Variants in AFF2 observed in about 807,000 individuals in gnomAD.
AFF2 encodes AF4/FMR2 family member 2.
A neutral mutation model predicts 76.9 loss-of-function variants in AFF2; 14 were observed. The ratio of observed to expected loss-of-function variants is 0.18; its 90% CI spans 0.12 to 0.28. The LOEUF (loss-of-function observed/expected upper bound fraction) is 0.28. AFF2 is among the 10% of genes least tolerant of loss of function. The pLI is 1.00. For missense variants in AFF2, 868 were observed against 1,001.1 expected (o/e 0.87, Z 1.79); for synonymous variants, 398 against 366.7 (o/e 1.09, Z -0.98).
chrX:148,848,144 T>C (rs782304431), intron 7 of AFF2, among the ~76,000 whole-genome samples: 1 of 110,961 alleles, frequency 9.0e-6, no homozygotes, highest in African/African-American at 3.3e-5. Flanking sequence ...GTTTTCCTTT[T>C]GTACCTGGAC....
intron 3 of AFF2, among the ~76,000 whole-genome samples, chrX:148,764,512 G>A (rs1280206178): frequency 8.9e-6 from 1 of 112,389 alleles, no homozygotes; most frequent in East Asian, 2.8e-4. Flanking sequence ...AATAGTATCA[G>A]TGATATGAAT....
At chrX:148,714,158 T>C (rs781982067) in intron 3 of AFF2, among the ~76,000 whole-genome samples, 1 of 112,080 alleles carries the variant, frequency 8.9e-6, no homozygotes, top group East Asian at 2.8e-4. Flanking sequence ...TAATGAAACC[T>C]TCTGCAAGAG....
rs917919273 is a variant in AFF2 at position 148,774,074 on chromosome X, C to T, written c.1042-35802C>T. Among the ~76,000 whole-genome samples the T allele has an allele frequency of 2.7e-5, 3 of 111,696 alleles. No homozygotes were observed. The East Asian group carries it at 8.5e-4, about 32-fold the overall frequency. ...AGTATAACTAGCAGCACATACTCAT[C>T]AGAAATGCCAAGTCAGGGTGACTGC... On this transcript the variant is annotated intron_variant, in intron 3 of 20. Transcript: ENST00000370460.
chrX:148,910,741 C>A (rs2071459464), intron 9 of AFF2, among the ~76,000 whole-genome samples: 1 of 111,556 alleles, frequency 9.0e-6, no homozygotes, highest in African/African-American at 3.3e-5. Context: ...AGCTTAGGGC[C>A]CTCAGAGCTC....
Position 148,661,970 on chromosome X carries a change from G to T in AFF2, c.243G>T (p.Met81Ile), listed in dbSNP as rs1273005988. The T allele has an allele frequency of 8.3e-7, 1 of 1,206,388 alleles. No individual in the cohort carries two copies. The highest frequency in any genetic ancestry group is 1.1e-6 in the Non-Finnish European group (1 of 892,195). ...ACACGCTTGGAAACTATGATGAAATGAAGAATTTGCTAACTAACCATTCTA... is the reference window on the plus strand; with the variant it reads ...ACACGCTTGGAAACTATGATGAAATTAAGAATTTGCTAACTAACCATTCTA... Reference protein sequence around the residue: ...VQNTLGNYDEMKNLLTNHSNQ... With the variant: ...VQNTLGNYDEIKNLLTNHSNQ... The change falls in exon 3 of 21, where the codon ATG becomes ATT. Residue 81 changes from methionine to isoleucine, a missense_variant. Met to Ile is a conservative substitution (Grantham distance 10, BLOSUM62 1). This residue lies in a region of AFF2 where 196 missense variants were observed against 194.8 expected (regional missense o/e 1.01). Coordinates refer to ENST00000370460, the MANE Select transcript of AFF2 (RefSeq NM_002025.4).
At chrX:148,828,486 T>G (rs1197902246) in intron 4 of AFF2, among the ~76,000 whole-genome samples, 2 of 112,337 alleles carry the variant, frequency 1.8e-5, no homozygotes, top group Non-Finnish European at 3.8e-5. Flanking sequence ...GTGTTCAGTC[T>G]TCTATTCTGA....
At chrX:148,823,692 A>G (rs1218271096) in intron 4 of AFF2, among the ~76,000 whole-genome samples, 1 of 112,092 alleles carries the variant, frequency 8.9e-6, no homozygotes, top group Non-Finnish European at 1.9e-5. Flanking sequence ...TATCTGATTA[A>G]TTTATTTCCT....
At chrX:148,716,792 T>C (rs2055029113) in intron 3 of AFF2, among the ~76,000 whole-genome samples, 1 of 111,752 alleles carries the variant, frequency 8.9e-6, no homozygotes, top group African/African-American at 3.3e-5. Context: ...TCCTTCTTTT[T>C]CTCACAAATA....
rs189417335 is a variant in AFF2, at chrX:148,853,596, G to A, written c.1262+10163G>A. ...GGAAAGTCATGCCCAGGTGACCTAA[G>A]TGAGGCGTCCCAGCTCACACAGGTA... On this transcript the variant is annotated intron_variant, in intron 7 of 20. Transcript: ENST00000370460. Among the ~76,000 whole-genome samples the A allele has an allele frequency of 3.1e-4, 35 of 112,106 alleles. 1 individual carries two copies. The East Asian group carries it at 9.6e-3, about 31-fold the overall frequency.
At chrX:148,863,713 G>A (rs1472281800) in intron 7 of AFF2, among the ~76,000 whole-genome samples, 17 of 111,403 alleles carry the variant, frequency 1.5e-4, no homozygotes, top group African/African-American at 2.9e-4. Context: ...ATTTTGCAGG[G>A]ATGCTTTTCA....
chrX:148,625,256 C>T (rs1233976698), intron 1 of AFF2, among the ~76,000 whole-genome samples: 1 of 111,331 alleles, frequency 9.0e-6, no homozygotes, highest in African/African-American at 3.3e-5. Context: ...CATTCAGCTG[C>T]ACATGAGCTT....
At chrX:148,831,372 G>A (rs1037429196) in intron 4 of AFF2, among the ~76,000 whole-genome samples, 8 of 112,210 alleles carry the variant, frequency 7.1e-5, no homozygotes, top group South Asian at 3.7e-4. Context: ...CACAATTTAC[G>A]TTCAGAGACT....
intron 7 of AFF2, among the ~76,000 whole-genome samples, chrX:148,844,665 T>A (rs1557274585): frequency 9.0e-6 from 1 of 111,396 alleles, no homozygotes; most frequent in African/African-American, 3.3e-5. Context: ...TTTTGGAAGA[T>A]CATGAATAAT....
chrX:148,583,175 T>C (rs1557245345), intron 1 of AFF2, among the ~76,000 whole-genome samples: 1 of 111,823 alleles, frequency 8.9e-6, no homozygotes. Flanking sequence ...GAATTAATAA[T>C]GGTTATGGTT....
intron 1 of AFF2, among the ~76,000 whole-genome samples, chrX:148,607,028 A>C (rs1393530298): frequency 9.0e-6 from 1 of 111,360 alleles, no homozygotes; most frequent in Non-Finnish European, 1.9e-5. Flanking sequence ...GTGCCATGCA[A>C]CATGTTTAGG....
At chrX:148,523,642 A>G (rs1004887210) in intron 1 of AFF2, among the ~76,000 whole-genome samples, 1 of 112,784 alleles carries the variant, frequency 8.9e-6, no homozygotes, top group Admixed American at 9.4e-5. Context: ...GTTTGATTTC[A>G]TGCAAAAAAA....
At chrX:148,831,837 G>A (rs782717087) in intron 4 of AFF2, among the ~76,000 whole-genome samples, 1 of 111,826 alleles carries the variant, frequency 8.9e-6, no homozygotes, top group Admixed American at 9.5e-5. Context: ...CAGGAACCAT[G>A]GATACAAAGG....
intron 9 of AFF2, among the ~76,000 whole-genome samples, chrX:148,904,915 G>T (rs1191149584): frequency 8.9e-6 from 1 of 111,963 alleles, no homozygotes; most frequent in Admixed American, 9.4e-5. Flanking sequence ...TTGTCATTTG[G>T]TTTGTAACAT....
At chrX:148,827,554 G>T (rs2070402897) in intron 4 of AFF2, among the ~76,000 whole-genome samples, 2 of 111,884 alleles carry the variant, frequency 1.8e-5, no homozygotes, top group African/African-American at 6.5e-5. Flanking sequence ...CTGCTGTGTT[G>T]TTGCATTGAC....
Sources: allele counts gnomAD v4.1 joint callset (sites outside exome capture counted in the v4.1 genomes callset), GRCh38; gene constraint gnomAD v4.1.1; regional missense constraint gnomAD v4.1.1; transcripts MANE v1.5; gene names NCBI Gene and HGNC (gene_info 2026-07-23, HGNC 2026-07-21).